The following SUFU variants were observed in gnomAD, a reference collection of about 807,000 sequenced individuals.
SUFU encodes the protein suppressor of fused homolog.
A neutral mutation model predicts 58.9 loss-of-function variants in SUFU; 7 were observed. The observed-to-expected ratio is 0.12, with a 90% confidence interval of 0.07 to 0.22. SUFU has a LOEUF of 0.22. Among genes scored for constraint, SUFU ranks in the 10% least tolerant of loss-of-function variants. The probability of loss-of-function intolerance (pLI) is 1.00; values close to 1 mark genes in which losing one functional copy is unlikely to be tolerated. For missense variants in SUFU, 451 were observed against 641.3 expected (o/e 0.70, Z 3.20); for synonymous variants, 232 against 254.8 (o/e 0.91, Z 0.85).
At chr10:102,535,232 A>T (rs934215352) in intron 2 of SUFU, among the ~76,000 whole-genome samples, 3 of 152,054 alleles carry the variant, frequency 2.0e-5, no homozygotes, top group African/African-American at 7.2e-5. Flanking sequence ...CACGCCTGTA[A>T]TCCCAACACT....
intron 1 of SUFU, 100 bp from the exon 2 acceptor site, chr10:102,509,069 T>G (rs1322842221): frequency 6.4e-7 from 1 of 1,552,912 alleles, no homozygotes; most frequent in Non-Finnish European, 8.9e-7. Context: ...CCCAGGTTCC[T>G]CCAGGATGGG....
At position 102,630,391 on chromosome 10, in the gene SUFU, T is replaced by C. The variant is rs1194879225; in HGVS notation, c.*236T>C. The C allele has an allele frequency of 3.5e-6, 2 of 573,014 alleles. 1 individual carries two copies. Among genetic ancestry groups the C allele is most frequent in the Admixed American group, 5.9e-5 (2 of 34,030 alleles). 35.5% of individuals were successfully genotyped at this position (573,014 alleles called of 1,614,324 possible). A position where few individuals can be genotyped will look rare whatever the true frequency, so the allele number is the denominator to read the frequency against. ...TAAGCCTTGTGACCCATCAGGCCAG[T>C]GAGTGGGCAAATGCGGACCCTCCCT... is the stretch of plus-strand genomic sequence containing the variant. On this transcript the variant is annotated 3_prime_UTR_variant, in exon 12 of 12. Transcript: ENST00000369902.
chr10:102,593,910 G>A (rs1347883608), intron 5 of SUFU, 83 bp from the exon 6 acceptor site: 1 of 1,536,220 alleles, frequency 6.5e-7, no homozygotes, highest in African/African-American at 1.4e-5. Flanking sequence ...CTAGGCCTGG[G>A]GCAGCAAACA....
chr10:102,522,854 A>G (rs867607681), intron 2 of SUFU, among the ~76,000 whole-genome samples: 47 of 152,232 alleles, frequency 3.1e-4, no homozygotes, highest in African/African-American at 1.1e-3. Flanking sequence ...GTAACAAGCA[A>G]CATAAACCTG....
Position 102,625,286 on chromosome 10 carries a change from A to G in SUFU, c.1297-1889A>G. Among the ~76,000 whole-genome samples, 1 of 152,058 alleles carries G rather than the reference A, an allele frequency of 6.6e-6. No individual in the cohort carries two copies. Among genetic ancestry groups the G allele is most frequent in the East Asian group, 1.9e-4 (1 of 5,188 alleles). ...GAACTGTAGGGGTGCACCTCCCCGA[A>G]CTTTGCCAACTTTGCCTCTCCTGCT... On this transcript the variant is annotated intron_variant, in intron 10 of 11. Transcript: ENST00000369902. The surrounding 1 kb of genome is among the most constrained non-coding windows in gnomAD (Gnocchi z 4.7).
chr10:102,598,212 G>C (rs1268766173), intron 7 of SUFU, among the ~76,000 whole-genome samples: 1 of 151,886 alleles, frequency 6.6e-6, no homozygotes, highest in Non-Finnish European at 1.5e-5. Context: ...GAGTACAGTG[G>C]GTTGATCTTG....
chr10:102,503,962 AC>A, upstream of SUFU: 1 of 750,860 alleles, frequency 1.3e-6, no homozygotes, highest in Non-Finnish European at 1.9e-6. Flanking sequence ...GCCCCGAGGC[AC>A]CCTCTGGCAG....
At chr10:102,565,248 G>A (rs1370704752) in intron 3 of SUFU, among the ~76,000 whole-genome samples, 2 of 152,218 alleles carry the variant, frequency 1.3e-5, no homozygotes, top group East Asian at 1.9e-4. Context: ...TGCAAAAGTC[G>A]GCCGACAACT....
intron 3 of SUFU, among the ~76,000 whole-genome samples, chr10:102,582,901 TG>T (rs1452726873): frequency 6.6e-6 from 1 of 152,124 alleles, no homozygotes; most frequent in African/African-American, 2.4e-5. Context: ...GTGGTTTAAG[TG>T]GAGGTCTCTG....
intron 2 of SUFU, among the ~76,000 whole-genome samples, chr10:102,525,565 C>T (rs187847731): frequency 2.0e-4 from 30 of 152,134 alleles, no homozygotes; most frequent in Non-Finnish European, 3.8e-4. Context: ...TGCGATCTTG[C>T]GATCTCAGTT....
intron 2 of SUFU, among the ~76,000 whole-genome samples, chr10:102,535,187 GA>G (rs2062722259): frequency 6.6e-6 from 1 of 151,976 alleles, no homozygotes; most frequent in South Asian, 2.1e-4. Context: ...GAGGAAGGGG[GA>G]AAGAAAGAGA....
At chr10:102,527,014 T>TC (rs34107845) in intron 2 of SUFU, among the ~76,000 whole-genome samples, 16 of 125,114 alleles carry the variant, frequency 1.3e-4, no homozygotes, top group Non-Finnish European at 2.6e-4. Flanking sequence ...TTTTTTTTTT[T>TC]GAGATGGAGT....
chr10:102,519,665 G>T (rs1208472834), intron 2 of SUFU, among the ~76,000 whole-genome samples: 1 of 152,060 alleles, frequency 6.6e-6, no homozygotes, highest in Non-Finnish European at 1.5e-5. Context: ...CTGCTTCTGT[G>T]GTCAGGGATG....
rs529141346 is a variant in SUFU at position 102,527,976 on chromosome 10, C to G, written c.317+18673C>G. ...GTGATCTTGTCGCCATTGGCCTAGC[C>G]TGTCTTTTTTTATTTTTAAGAAGAC... On this transcript the variant is annotated intron_variant, in intron 2 of 11. Transcript: ENST00000369902. 6.0e-4 allele frequency among the ~76,000 whole-genome samples: 91 copies of G among 152,188 alleles called. 1 individual carries two copies. Among genetic ancestry groups the G allele is most frequent in the Admixed American group, 7.9e-4 (12 of 15,272 alleles).
chr10:102,533,385 A>C (rs1055122913), intron 2 of SUFU, among the ~76,000 whole-genome samples: 2 of 151,596 alleles, frequency 1.3e-5, no homozygotes, highest in Non-Finnish European at 2.9e-5. Context: ...CAGCCTGGGC[A>C]ACATGGTGGA....
intron 2 of SUFU, among the ~76,000 whole-genome samples, chr10:102,517,847 A>C (rs1416164330): frequency 6.6e-6 from 1 of 152,168 alleles, no homozygotes; most frequent in East Asian, 1.9e-4. Flanking sequence ...CAGCACACTC[A>C]CCAGCAGAGC....
intron 1 of SUFU, among the ~76,000 whole-genome samples, chr10:102,504,801 T>G (rs1372528382): frequency 2.0e-5 from 3 of 146,884 alleles, no homozygotes; most frequent in Non-Finnish European, 3.0e-5. Context: ...GAATGGGGGG[T>G]TCGGGGGGCC....
At chr10:102,575,785 G>T (rs2063206386) in intron 3 of SUFU, among the ~76,000 whole-genome samples, 1 of 152,160 alleles carries the variant, frequency 6.6e-6, no homozygotes, top group South Asian at 2.1e-4. Flanking sequence ...CATAGCAGAG[G>T]GGTCAAGGAG....
intron 2 of SUFU, among the ~76,000 whole-genome samples, chr10:102,518,312 A>G (rs1029489131): frequency 6.6e-6 from 1 of 152,176 alleles, no homozygotes; most frequent in Non-Finnish European, 1.5e-5. Flanking sequence ...AAACCCAGGC[A>G]GTCTGGATCC....
Sources: allele counts gnomAD v4.1 joint callset (sites outside exome capture counted in the v4.1 genomes callset), GRCh38; gene constraint gnomAD v4.1.1; non-coding constraint Gnocchi (gnomAD v3.1); transcripts MANE v1.5; gene names NCBI Gene and HGNC (gene_info 2026-07-23, HGNC 2026-07-21).